Variants in RANBP3L observed in about 807,000 individuals in gnomAD.
RANBP3L encodes ran-binding protein 3-like.
In RANBP3L, 56 loss-of-function variants were observed where a neutral mutation model predicts 67.2. The ratio of observed to expected loss-of-function variants is 0.83; its 90% CI spans 0.67 to 1.04. The LOEUF is 1.04. RANBP3L is among the 50% of genes least tolerant of loss of function. The pLI, the probability that RANBP3L is intolerant of heterozygous loss-of-function variation, is 0.00. For synonymous variants in RANBP3L, 164 were observed against 181.4 expected (o/e 0.90, Z 0.77); for missense variants, 496 against 535.5 (o/e 0.93, Z 0.73).
At chr5:36,292,727 T>G (rs1475887141) in intron 1 of RANBP3L, among the ~76,000 whole-genome samples, 2 of 152,038 alleles carry the variant, frequency 1.3e-5, no homozygotes, top group Non-Finnish European at 2.9e-5. Context: ...GCAGTGTTAT[T>G]TCTGAGGGCT....
chr5:36,247,570 A>T lies in RANBP3L; in HGVS notation c.*2084T>A, dbSNP rs2111556885. On this transcript the variant is annotated 3_prime_UTR_variant, in exon 14 of 14. Coordinates refer to ENST00000296604, the MANE Select transcript of RANBP3L (RefSeq NM_145000.5). ...GCTTTATCTCTACCTTAGTGTGGGG[A>T]CGAGGATGAACATGTCAAAAAGATA... 6.6e-6 allele frequency among the ~76,000 whole-genome samples: 1 copy of T among 152,306 alleles called. No individual in the cohort carries two copies. Among genetic ancestry groups the T allele is most frequent in the Admixed American group, 6.5e-5 (1 of 15,304 alleles).
In RANBP3L at chr5:36,295,570, A is replaced by G. The variant is rs575620558; in HGVS notation, c.91+5756T>C. On this transcript the variant is annotated intron_variant, in intron 1 of 13. Coordinates refer to ENST00000296604, the MANE Select transcript of RANBP3L (RefSeq NM_145000.5). Reference sequence around the variant, plus strand: ...TATAGCAGCATGAGAACAGACTAATACATTGCCATAGTACTTTTCACAGCA... The same window carrying G: ...TATAGCAGCATGAGAACAGACTAATGCATTGCCATAGTACTTTTCACAGCA... Among the ~76,000 whole-genome samples, 15 of 152,040 alleles carry G rather than the reference A, an allele frequency of 9.9e-5. No individual in the cohort carries two copies. In the East Asian group the frequency reaches 2.9e-3, roughly 29 times the overall value.
At chr5:36,266,522 A>G (rs1297529310) in intron 4 of RANBP3L, among the ~76,000 whole-genome samples, 1 of 152,154 alleles carries the variant, frequency 6.6e-6, no homozygotes, top group Non-Finnish European at 1.5e-5. Flanking sequence ...TATGATCTTT[A>G]TTATTGAACA....
chr5:36,263,330 G>A (rs1749527704), intron 6 of RANBP3L, among the ~76,000 whole-genome samples: 2 of 151,938 alleles, frequency 1.3e-5, no homozygotes, highest in Admixed American at 6.6e-5. Flanking sequence ...GAAGAAAATG[G>A]AAGAAATATA....
At chr5:36,271,948 A>G in intron 1 of RANBP3L, among the ~76,000 whole-genome samples, 1 of 152,186 alleles carries the variant, frequency 6.6e-6, no homozygotes, top group Admixed American at 6.5e-5. Flanking sequence ...TCTAGGGTAT[A>G]CATAAGTGAT....
intron 1 of RANBP3L, among the ~76,000 whole-genome samples, chr5:36,280,060 C>T (rs997753095): frequency 6.6e-6 from 1 of 152,162 alleles, no homozygotes; most frequent in African/African-American, 2.4e-5. Context: ...TTTCTGAACA[C>T]ATCTGATTCT....
At position 36,251,494 on chromosome 5, in the gene RANBP3L, A is replaced by T; in HGVS notation, c.1173T>A (p.Ser391Arg). The change falls in exon 13 of 14, where the codon AGT becomes AGA. Residue 391 changes from serine (S) to arginine (R), a missense_variant. Ser to Arg is a moderately radical substitution (Grantham distance 110, BLOSUM62 -1). Coordinates refer to ENST00000296604, the MANE Select transcript of RANBP3L (RefSeq NM_145000.5). ...CATACAAATATGCTGTATCTTGGGC[A>T]CTGGCCTGCATGAGGAACATTAAAT... is the stretch of plus-strand genomic sequence containing the variant. ...YSIKIFLIQA[S>R]AQDTAYLYAA... The T allele has an allele frequency of 1.3e-6, 2 of 1,599,568 alleles. No homozygotes were observed. The highest frequency in any genetic ancestry group is 1.7e-6 in the Non-Finnish European group (2 of 1,170,772).
intron 3 of RANBP3L, among the ~76,000 whole-genome samples, 161 bp downstream of exon 3, chr5:36,269,790 C>G (rs1165426526): frequency 1.3e-5 from 2 of 152,020 alleles, no homozygotes. Context: ...TTCTCAGGGA[C>G]CTATATGTCA....
Position 36,249,459 on chromosome 5 carries a change from G to T in RANBP3L, c.*195C>A. ...TCTGAAGTCCATTTTTTTAAATTCT[G>T]TCAGTTTCTGCACAATAATCAAAAT... On this transcript the variant is annotated 3_prime_UTR_variant, in exon 14 of 14. Coordinates refer to ENST00000296604, the MANE Select transcript of RANBP3L (RefSeq NM_145000.5). 1 of 345,712 alleles carries T rather than the reference G, an allele frequency of 2.9e-6. No individual in the cohort carries two copies. The highest frequency in any genetic ancestry group is 5.3e-6 in the Non-Finnish European group (1 of 189,410). 21.4% of individuals were successfully genotyped at this position (345,712 alleles called of 1,614,324 possible).
chr5:36,265,138 G>A (rs1028787550), intron 5 of RANBP3L, 40 bp from the exon 6 acceptor site: 1 of 1,282,684 alleles, frequency 7.8e-7, no homozygotes, highest in African/African-American at 1.5e-5. Flanking sequence ...TATGTTTACT[G>A]AAATATTCCT....
At chr5:36,262,213 T>C (rs1360601170) in intron 6 of RANBP3L, among the ~76,000 whole-genome samples, 171 bp from the exon 7 acceptor site, 1 of 152,246 alleles carries the variant, frequency 6.6e-6, no homozygotes, top group African/African-American at 2.4e-5. Flanking sequence ...TAACACTTTG[T>C]AATTCTATTG....
chr5:36,271,799 T>A (rs1318619112), intron 1 of RANBP3L, among the ~76,000 whole-genome samples: 1 of 152,194 alleles, frequency 6.6e-6, no homozygotes, highest in Non-Finnish European at 1.5e-5. Context: ...TACACCACAC[T>A]TTATTTTTAA....
chr5:36,265,977 C>CAAAAAAAA (rs10717173), intron 4 of RANBP3L, among the ~76,000 whole-genome samples: 1 of 76,080 alleles, frequency 1.3e-5, no homozygotes, highest in Non-Finnish European at 2.5e-5. Context: ...GACTCCATTT[C>CAAAAAAAA]AAAAAAAAAA....
chr5:36,289,995 C>T (rs564636957), intron 1 of RANBP3L, among the ~76,000 whole-genome samples: 2 of 152,268 alleles, frequency 1.3e-5, no homozygotes, highest in South Asian at 2.1e-4. Context: ...TCTTCTACAT[C>T]GAGTAGTGTT....
rs1748449760 is a variant in RANBP3L at position 36,249,461 on chromosome 5, C to T, written c.*193G>A. The T allele has an allele frequency of 2.9e-6, 1 of 348,860 alleles. No homozygotes were observed. The highest frequency in any genetic ancestry group is 2.1e-5 in the African/African-American group (1 of 47,148). 21.6% of individuals were successfully genotyped at this position (348,860 alleles called of 1,614,324 possible). On this transcript the variant is annotated 3_prime_UTR_variant, in exon 14 of 14. Coordinates refer to ENST00000296604, the MANE Select transcript of RANBP3L (RefSeq NM_145000.5). ...TGAAGTCCATTTTTTTAAATTCTGT[C>T]AGTTTCTGCACAATAATCAAAATGT...
At chr5:36,265,329 T>TA (rs1749683528) in intron 5 of RANBP3L, 120 bp downstream of exon 5, 1 of 726,252 alleles carries the variant, frequency 1.4e-6, no homozygotes, top group Non-Finnish European at 2.3e-6. Context: ...GCATTATTTC[T>TA]TCATGTTTTG....
chr5:36,265,587 T>C, intron 4 of RANBP3L, 67 bp from the exon 5 acceptor site: 1 of 919,336 alleles, frequency 1.1e-6, no homozygotes, highest in Non-Finnish European at 1.7e-6. Flanking sequence ...TATTTGGGGC[T>C]TAACAATCCC....
chr5:36,271,668 A>T (rs1750224447), intron 1 of RANBP3L, among the ~76,000 whole-genome samples: 1 of 152,184 alleles, frequency 6.6e-6, no homozygotes, highest in African/African-American at 2.4e-5. Context: ...TCAATGAGTG[A>T]AAAATCTAAT....
At chr5:36,297,333 T>C (rs1368882380) in intron 1 of RANBP3L, among the ~76,000 whole-genome samples, 1 of 151,908 alleles carries the variant, frequency 6.6e-6, no homozygotes, top group Admixed American at 6.6e-5. Flanking sequence ...GAGGAAGGGT[T>C]GATCTTGCTG....
Sources: allele counts gnomAD v4.1 joint callset (sites outside exome capture counted in the v4.1 genomes callset), GRCh38; gene constraint gnomAD v4.1.1; transcripts MANE v1.5; gene names NCBI Gene and HGNC (gene_info 2026-07-23, HGNC 2026-07-21).